RELN: variants seen among roughly 807,000 people sequenced by gnomAD.
RELN encodes the protein reelin.
RELN carries 108 observed loss-of-function variants against 427.6 expected under a neutral mutation model. The observed-to-expected ratio is 0.25, with a 90% confidence interval of 0.22 to 0.30. The LOEUF (loss-of-function observed/expected upper bound fraction) is 0.30, where lower values mean the gene tolerates loss of function less well. RELN is among the 10% of genes least tolerant of loss of function. RELN has a pLI of 1.00. For missense variants in RELN, 3,715 were observed against 4,302.8 expected (o/e 0.86, Z 3.82); for synonymous variants, 1,524 against 1,513.4 (o/e 1.01, Z -0.16).
chr7:103,732,127 T>G (rs990779981), intron 6 of RELN, among the ~76,000 whole-genome samples: 18 of 152,256 alleles, frequency 1.2e-4, no homozygotes, highest in African/African-American at 4.3e-4. Context: ...TCAGCTGAAC[T>G]TTCAGAGAAA....
chr7:103,766,749 A>T lies in RELN; in HGVS notation c.544+9808T>A, dbSNP rs111378195. ...ACCACCACGATCCAAGGGCCCTTAG[A>T]GAGCACAGCCACAGTTTCTACCACT... On this transcript the variant is annotated intron_variant, in intron 4 of 64. Transcript: ENST00000428762. 1.6e-4 allele frequency among the ~76,000 whole-genome samples: 25 copies of T among 152,356 alleles called. No individual in the cohort carries two copies. The South Asian group carries it at 5.2e-3, about 32-fold the overall frequency.
At chr7:103,826,358 G>GTA (rs1554426235) in intron 3 of RELN, among the ~76,000 whole-genome samples, 1 of 149,456 alleles carries the variant, frequency 6.7e-6, no homozygotes, top group African/African-American at 2.5e-5. Context: ...GTGTGTGTGT[G>GTA]TATACACATA....
chr7:103,540,200 A>T lies in RELN; in HGVS notation c.6927T>A (p.Asp2309Glu), dbSNP rs779047538. ...NGHFYSPWVI[D>E]QILIGGNISG... ...AGTTAATCCTGAAGGGACTGACCTG[A>T]TCGATAACCCAGGGGCTGTAGAAGT... The change falls in exon 44 of 65, where the codon GAT (aspartate) becomes GAA (glutamate). Residue 2309 changes from aspartate to glutamate, a missense_variant. Asp to Glu is a conservative substitution (Grantham distance 45, BLOSUM62 2). Transcript: ENST00000428762. 2 of 1,614,184 alleles carry T rather than the reference A, an allele frequency of 1.2e-6. No individual in the cohort carries two copies. Among genetic ancestry groups the T allele is most frequent in the Non-Finnish European group, 1.7e-6 (2 of 1,180,022 alleles).
intron 63 of RELN, among the ~76,000 whole-genome samples, chr7:103,481,569 G>A (rs1653211277): frequency 6.6e-6 from 1 of 152,112 alleles, no homozygotes; most frequent in Admixed American, 6.6e-5. Context: ...CCATCCAAAG[G>A]GATGGGCCTG....
intron 2 of RELN, among the ~76,000 whole-genome samples, chr7:103,879,081 C>G (rs1006735962): frequency 6.6e-6 from 1 of 152,162 alleles, no homozygotes; most frequent in African/African-American, 2.4e-5. Context: ...TAACTACATC[C>G]TCTTCAGACA....
At chr7:103,707,241 A>G (rs1834223270) in intron 8 of RELN, among the ~76,000 whole-genome samples, 1 of 152,192 alleles carries the variant, frequency 6.6e-6, no homozygotes, top group Admixed American at 6.5e-5. Flanking sequence ...TGGGCGCTCA[A>G]AAGAAATACA....
Position 103,593,559 on chromosome 7 carries a change from G to A in RELN, c.3912+123C>T, listed in dbSNP as rs117357966. ...GCAATTCTAACACTGTTAAGCTTTC[G>A]TACAGGTGAGTCCCTTCTTTAATAG... On this transcript the variant is annotated intron_variant, in intron 27 of 64. Transcript: ENST00000428762. The A allele has an allele frequency of 7.9e-3, 6,587 of 838,980 alleles. 36 individuals are homozygous for A. The highest frequency in any genetic ancestry group is 0.023 in the Middle Eastern group (74 of 3,252). The allele number at this position is 838,980 out of a possible 1,614,324, so 52.0% of individuals were successfully genotyped here.
intron 21 of RELN, 57 bp from the exon 22 acceptor site, chr7:103,610,864 T>G: frequency 1.1e-6 from 1 of 921,652 alleles, no homozygotes; most frequent in Non-Finnish European, 1.8e-6. Context: ...AGGTGAAATA[T>G]GTCTACTCAC....
chr7:103,790,716 G>A (rs1171878946), intron 3 of RELN, among the ~76,000 whole-genome samples: 5 of 152,112 alleles, frequency 3.3e-5, no homozygotes, highest in Admixed American at 1.3e-4. Context: ...GTAATCCCAG[G>A]AATTTGGGAG....
At chr7:103,744,454 CA>C (rs1404619808) in intron 6 of RELN, among the ~76,000 whole-genome samples, 1 of 152,082 alleles carries the variant, frequency 6.6e-6, no homozygotes, top group East Asian at 1.9e-4. Context: ...AAAAACCCTT[CA>C]AAAAATTAAT....
rs760919496 is a variant in RELN at position 103,483,814 on chromosome 7, C to T, written c.10020G>A (p.Ser3340=). 47 of 1,613,882 alleles carry T rather than the reference C, an allele frequency of 2.9e-5. No homozygotes were observed. The highest frequency in any genetic ancestry group is 1.6e-4 in the South Asian group (15 of 91,084). ...IMFVLQIGSM[S]QTDSCNSDLS... Reference sequence around the variant, plus strand: ...GGTCACTGTTGCAGCTGTCCGTCTGCGACATGCTCCCAATTTGCAAAACAA... The same window carrying T: ...GGTCACTGTTGCAGCTGTCCGTCTGTGACATGCTCCCAATTTGCAAAACAA... The change falls in exon 62 of 65, where the codon TCG becomes TCA. Residue 3340 remains serine, a synonymous_variant. Coordinates refer to ENST00000428762, the MANE Select transcript of RELN (RefSeq NM_005045.4).
At chr7:103,635,048 A>T (rs1429212615) in intron 19 of RELN, among the ~76,000 whole-genome samples, 2 of 151,854 alleles carry the variant, frequency 1.3e-5, no homozygotes, top group Non-Finnish European at 2.9e-5. Context: ...TTTAGTAGAG[A>T]CAGGGTTTCA....
intron 64 of RELN, chr7:103,476,580 A>C (rs1307353486): frequency 6.0e-6 from 1 of 167,490 alleles, no homozygotes. Flanking sequence ...CTTTTGAGTC[A>C]GTTAGGTTGA....
chr7:103,723,535 T>C (rs1387112775), intron 7 of RELN, among the ~76,000 whole-genome samples: 1 of 152,100 alleles, frequency 6.6e-6, no homozygotes, highest in Admixed American at 6.6e-5. Context: ...CTCCCTTCCA[T>C]CCTACCAGAT....
At chr7:103,672,690 G>A (rs1246775041) in intron 11 of RELN, among the ~76,000 whole-genome samples, 1 of 151,718 alleles carries the variant, frequency 6.6e-6, no homozygotes, top group Non-Finnish European at 1.5e-5. Context: ...GAATGATTGA[G>A]GTTTCACTGG....
At chr7:103,944,325 G>C (rs186043791) in intron 1 of RELN, among the ~76,000 whole-genome samples, 1 of 152,260 alleles carries the variant, frequency 6.6e-6, no homozygotes, top group Non-Finnish European at 1.5e-5. Context: ...AAATTTCTAA[G>C]TTTACTAAGC....
intron 2 of RELN, among the ~76,000 whole-genome samples, chr7:103,892,543 G>A (rs1794873755): frequency 1.3e-5 from 2 of 152,198 alleles, no homozygotes; most frequent in South Asian, 2.1e-4. Flanking sequence ...TGTGTATTAG[G>A]GAATATGGGT....
intron 50 of RELN, among the ~76,000 whole-genome samples, 187 bp downstream of exon 50, chr7:103,514,998 G>A (rs1829524372): frequency 6.6e-6 from 1 of 152,152 alleles, no homozygotes; most frequent in Non-Finnish European, 1.5e-5. Context: ...TGGCTTGAAT[G>A]AAAGAAAAGA....
intron 14 of RELN, among the ~76,000 whole-genome samples, 157 bp downstream of exon 14, chr7:103,652,394 T>C (rs753002932): frequency 3.5e-4 from 54 of 152,142 alleles, no homozygotes; most frequent in African/African-American, 8.2e-4. Flanking sequence ...CTCATATTAA[T>C]TGAAGAACTT....
Sources: allele counts gnomAD v4.1 joint callset (sites outside exome capture counted in the v4.1 genomes callset), GRCh38; gene constraint gnomAD v4.1.1; transcripts MANE v1.5; gene names NCBI Gene and HGNC (gene_info 2026-07-23, HGNC 2026-07-21).